GARIN1B: variants seen among roughly 807,000 people sequenced by gnomAD.
The protein encoded by GARIN1B is golgi associated RAB2 interactor 1B.
chr7:128,731,091 C>T, the GARIN1B span: 13 of 1,610,928 alleles, frequency 8.1e-6, no homozygotes, highest in South Asian at 1.3e-4. Context: ...TTCTCTCCTA[C>T]ACTCACAGGA....
At chr7:128,716,212 T>C in the GARIN1B span, among the ~76,000 whole-genome samples, 1 of 152,112 alleles carries the variant, frequency 6.6e-6, no homozygotes, top group East Asian at 1.9e-4. Context: ...GCAAGAAAAG[T>C]ACCTTGTCTA....
the GARIN1B span, among the ~76,000 whole-genome samples, chr7:128,716,654 A>G: frequency 1.3e-5 from 2 of 151,268 alleles, no homozygotes; most frequent in South Asian, 4.1e-4. Flanking sequence ...GAGGTCAAGG[A>G]TGCTACTAAG....
the GARIN1B span, chr7:128,730,170 T>C: frequency 7.4e-7 from 1 of 1,358,468 alleles, no homozygotes; most frequent in Non-Finnish European, 1.0e-6. Flanking sequence ...TTCCAGAAAG[T>C]TGTGGGGTGT....
chr7:128,729,218 T>G, the GARIN1B span, among the ~76,000 whole-genome samples: 4 of 152,266 alleles, frequency 2.6e-5, no homozygotes, highest in African/African-American at 9.6e-5. Context: ...TACCCCAGCC[T>G]CTGGAACTTT....
chr7:128,716,141 C>G, the GARIN1B span, among the ~76,000 whole-genome samples: 1 of 152,176 alleles, frequency 6.6e-6, no homozygotes, highest in Non-Finnish European at 1.5e-5. Context: ...CCTGTGCAGC[C>G]TGAATCTGGC....
the GARIN1B span, among the ~76,000 whole-genome samples, chr7:128,729,400 C>A: frequency 6.6e-6 from 1 of 152,204 alleles, no homozygotes; most frequent in African/African-American, 2.4e-5. Flanking sequence ...ATTCTAATTT[C>A]TTGGGTCTAG....
the GARIN1B span, among the ~76,000 whole-genome samples, chr7:128,724,446 G>A: frequency 6.6e-6 from 1 of 152,122 alleles, no homozygotes; most frequent in Non-Finnish European, 1.5e-5. Flanking sequence ...TGGAGCTTCT[G>A]TGATCGTTTT....
chr7:128,730,000 G>A, the GARIN1B span: 8 of 1,614,008 alleles, frequency 5.0e-6, no homozygotes, highest in South Asian at 4.4e-5. Context: ...GAACCCCTCC[G>A]GCCTGCAGCC....
chr7:128,723,405 T>C, the GARIN1B span: 1 of 1,524,088 alleles, frequency 6.6e-7, no homozygotes, highest in Non-Finnish European at 8.9e-7. Context: ...CCAAATAGCT[T>C]GGTTAATGAG....
At chr7:128,719,519 T>G in the GARIN1B span, among the ~76,000 whole-genome samples, 1 of 151,984 alleles carries the variant, frequency 6.6e-6, no homozygotes, top group Non-Finnish European at 1.5e-5. Context: ...TTATCTGTTT[T>G]TAGTCTATAC....
the GARIN1B span, chr7:128,729,959 CTTCA>C: frequency 1.9e-4 from 313 of 1,614,190 alleles, 2 homozygotes; most frequent in African/African-American, 3.7e-3. Flanking sequence ...CGTTGGAGGG[CTTCA>C]TTCACGTACG....
At chr7:128,718,171 G>T in the GARIN1B span, among the ~76,000 whole-genome samples, 1 of 152,154 alleles carries the variant, frequency 6.6e-6, no homozygotes, top group African/African-American at 2.4e-5. Flanking sequence ...GGTGGCTCGT[G>T]CCTGTAATCC....
At chr7:128,715,437 T>C in the GARIN1B span, 1 of 1,613,628 alleles carries the variant, frequency 6.2e-7, no homozygotes, top group Non-Finnish European at 8.5e-7. Flanking sequence ...TGAGCATGTG[T>C]AGAAATGTTG....
At chr7:128,715,931 A>T in the GARIN1B span, among the ~76,000 whole-genome samples, 3,693 of 79,458 alleles carry the variant, frequency 0.046, 59 homozygotes, top group South Asian at 0.1. Flanking sequence ...CTCTGAGTGG[A>T]GAATTTGGTA....
the GARIN1B span, among the ~76,000 whole-genome samples, chr7:128,730,447 A>G: frequency 6.6e-6 from 1 of 151,928 alleles, no homozygotes; most frequent in Non-Finnish European, 1.5e-5. Flanking sequence ...GAAGTAGGTT[A>G]AGGGGGCTGG....
At chr7:128,717,949 T>C in the GARIN1B span, among the ~76,000 whole-genome samples, 1 of 152,104 alleles carries the variant, frequency 6.6e-6, no homozygotes, top group Non-Finnish European at 1.5e-5. Flanking sequence ...TTCTCCATGC[T>C]ACCTCAGTGA....
the GARIN1B span, among the ~76,000 whole-genome samples, chr7:128,711,854 A>C: frequency 6.6e-6 from 1 of 152,176 alleles, no homozygotes; most frequent in African/African-American, 2.4e-5. Flanking sequence ...CAGCCTGACC[A>C]ACATGGTGAA....
chr7:128,728,215 G>A, the GARIN1B span, among the ~76,000 whole-genome samples: 2 of 152,174 alleles, frequency 1.3e-5, no homozygotes, highest in African/African-American at 4.8e-5. Context: ...AGGCCGAGGT[G>A]GATGGATCAC....
chr7:128,722,610 C>T, the GARIN1B span, among the ~76,000 whole-genome samples: 4 of 152,212 alleles, frequency 2.6e-5, no homozygotes, highest in Non-Finnish European at 5.9e-5. Context: ...TCGAGACCAG[C>T]CTGGCCAACA....
Sources: gnomAD v4.1 joint callset for allele counts (sites outside exome capture counted in the v4.1 genomes callset) on GRCh38, gnomAD v4.1.1 for gene constraint, MANE v1.5 for transcripts, NCBI Gene and HGNC (gene_info 2026-07-23, HGNC 2026-07-21) for gene names.